The following PPP5C variants were observed in gnomAD, a reference collection of about 807,000 sequenced individuals.
PPP5C encodes protein phosphatase 5 catalytic subunit.
Under a neutral mutation model 66.7 loss-of-function variants are expected in PPP5C, and 21 were observed. That is an observed-to-expected ratio of 0.31 (90% CI 0.22 to 0.45). The LOEUF is 0.45. Ranked by LOEUF, PPP5C falls within the 20% of genes least tolerant of loss-of-function variation. PPP5C has a pLI of 1.00. For missense variants in PPP5C, 464 were observed against 675.9 expected (o/e 0.69, Z 3.48); for synonymous variants, 246 against 257.4 (o/e 0.96, Z 0.43).
chr19:46,350,056 G>T (rs574644101), intron 1 of PPP5C, among the ~76,000 whole-genome samples: 1 of 152,122 alleles, frequency 6.6e-6, no homozygotes, highest in Non-Finnish European at 1.5e-5. Flanking sequence ...GGAGCCCTGG[G>T]AGGTTCTGAG....
Position 46,390,742 on chromosome 19 carries a change from C to T in PPP5C, c.*396C>T, listed in dbSNP as rs911779309. The T allele has an allele frequency of 9.1e-5, 103 of 1,133,668 alleles. No individual in the cohort carries two copies. The highest frequency in any genetic ancestry group is 1.1e-4 in the Non-Finnish European group (101 of 914,356). The allele number at this position is 1,133,668 out of a possible 1,614,324, so 70.2% of individuals were successfully genotyped here. A position where few individuals can be genotyped will look rare whatever the true frequency, so the allele number is the denominator to read the frequency against. On this transcript the variant is annotated 3_prime_UTR_variant, in exon 13 of 13. Coordinates refer to ENST00000012443, the MANE Select transcript of PPP5C (RefSeq NM_006247.4). ...AGGGTCAGCAGGGGGGCCCCGCCTG[C>T]GCCTCCCCTCCTATAGCCCCATGGT...
At chr19:46,360,393 C>T (rs1373231504) in intron 2 of PPP5C, among the ~76,000 whole-genome samples, 1 of 152,172 alleles carries the variant, frequency 6.6e-6, no homozygotes, top group Non-Finnish European at 1.5e-5. Context: ...CCTAATATGT[C>T]TCTCTTGGTC....
chr19:46,367,183 CAGA>C (rs1972505300), intron 2 of PPP5C, among the ~76,000 whole-genome samples: 1 of 152,208 alleles, frequency 6.6e-6, no homozygotes, highest in Non-Finnish European at 1.5e-5. Flanking sequence ...GGAATTCTGA[CAGA>C]AGGTTTAAAA....
rs1351899928 is a variant in PPP5C, at chr19:46,376,985, G to A, written c.633+411G>A. ...CCCTCCCCGACCTAGGAGGGCAGCTGGCCACAGGGTGTTAACTGGTTGAGT... is the reference window on the plus strand; with the variant it reads ...CCCTCCCCGACCTAGGAGGGCAGCTAGCCACAGGGTGTTAACTGGTTGAGT... On this transcript the variant is annotated intron_variant, in intron 4 of 12. Coordinates refer to ENST00000012443, the MANE Select transcript of PPP5C (RefSeq NM_006247.4). This position sits in a 1 kb window ranked among gnomAD's most constrained non-coding sequence, Gnocchi z 5.1. Among the ~76,000 whole-genome samples the A allele has an allele frequency of 6.6e-6, 1 of 152,192 alleles. No homozygotes were observed. Among genetic ancestry groups the A allele is most frequent in the Non-Finnish European group, 1.5e-5 (1 of 68,030 alleles).
At chr19:46,384,771 T>A in intron 6 of PPP5C, 33 bp from the exon 7 acceptor site, 24 of 1,419,338 alleles carry the variant, frequency 1.7e-5, no homozygotes, top group Non-Finnish European at 2.1e-5. Flanking sequence ...ACCCTTCCCC[T>A]CCACGCTTGC....
intron 2 of PPP5C, among the ~76,000 whole-genome samples, chr19:46,358,075 A>G (rs538544975): frequency 2.0e-5 from 3 of 152,198 alleles, no homozygotes; most frequent in African/African-American, 4.8e-5. Context: ...TAGTCAACAC[A>G]TGAGCATGCA....
intron 2 of PPP5C, among the ~76,000 whole-genome samples, chr19:46,360,316 CAAAA>C (rs1351344685): frequency 6.6e-6 from 1 of 151,962 alleles, no homozygotes; most frequent in African/African-American, 2.4e-5. Flanking sequence ...ACAAATATAA[CAAAA>C]AAGATCAGCA....
intron 2 of PPP5C, among the ~76,000 whole-genome samples, chr19:46,367,362 AC>A (rs1250870126): frequency 6.6e-6 from 1 of 152,220 alleles, no homozygotes; most frequent in Non-Finnish European, 1.5e-5. Flanking sequence ...CTGCAGAGTC[AC>A]ACCAACATCT....
Position 46,390,442 on chromosome 19 carries a change from T to C in PPP5C, c.*96T>C. ...CAGAGCAGGCCCCGCCCCAGGGCAA[T>C]GTTGGACCCCCTTTTACTTTGTAAA... is the stretch of plus-strand genomic sequence containing the variant. On this transcript the variant is annotated 3_prime_UTR_variant, in exon 13 of 13. Transcript: ENST00000012443. 1 of 1,537,358 alleles carries C rather than the reference T, an allele frequency of 6.5e-7. No individual in the cohort carries two copies.
chr19:46,382,691 T>C, intron 4 of PPP5C: 1 of 652,580 alleles, frequency 1.5e-6, no homozygotes, highest in Non-Finnish European at 1.9e-6. Context: ...GTTGCAGCCA[T>C]CATAACCTGG....
intron 11 of PPP5C, among the ~76,000 whole-genome samples, chr19:46,389,062 G>T (rs529721421): frequency 6.6e-6 from 1 of 152,082 alleles, no homozygotes; most frequent in African/African-American, 2.4e-5. Flanking sequence ...GGTGGCTCAC[G>T]CCTATAATCC....
chr19:46,372,608 C>T (rs1049437012), intron 2 of PPP5C, among the ~76,000 whole-genome samples: 11 of 152,216 alleles, frequency 7.2e-5, no homozygotes, highest in African/African-American at 2.4e-4. Context: ...CCTGTGTTAC[C>T]ATTTCACCAG....
chr19:46,366,878 C>T (rs941824588), intron 2 of PPP5C, among the ~76,000 whole-genome samples: 3 of 152,156 alleles, frequency 2.0e-5, no homozygotes, highest in Non-Finnish European at 4.4e-5. Context: ...CTGTCCTATT[C>T]CAGTGCCTCT....
At chr19:46,364,692 T>C (rs1972461100) in intron 2 of PPP5C, among the ~76,000 whole-genome samples, 1 of 152,178 alleles carries the variant, frequency 6.6e-6, no homozygotes, top group South Asian at 2.1e-4. Flanking sequence ...TCAAATCTCT[T>C]ATGAGATTGC....
Position 46,390,644 on chromosome 19 carries a change from C to A in PPP5C, c.*298C>A. 2 of 1,287,108 alleles carry A rather than the reference C, an allele frequency of 1.6e-6. No homozygotes were observed. The highest frequency in any genetic ancestry group is 2.0e-6 in the Non-Finnish European group (2 of 1,005,376). The allele number at this position is 1,287,108 out of a possible 1,614,324, so 79.7% of individuals were successfully genotyped here. On this transcript the variant is annotated 3_prime_UTR_variant, in exon 13 of 13. Coordinates refer to ENST00000012443, the MANE Select transcript of PPP5C (RefSeq NM_006247.4). ...GGTGGGGTGGGGCCGAGTGGCTGCC[C>A]TGCCCCCCTCATTTGCATGGCTCCT...
At chr19:46,347,505 G>T (rs1972103811) in intron 1 of PPP5C, among the ~76,000 whole-genome samples, 1 of 152,024 alleles carries the variant, frequency 6.6e-6, no homozygotes, top group Non-Finnish European at 1.5e-5. Context: ...TACCAAACGT[G>T]AGGCCTGTAG....
Position 46,376,490 on chromosome 19 carries a change from C to T in PPP5C, c.549C>T (p.Asp183=), listed in dbSNP as rs1601435475. ...EDEYSGPKLE[D]GKVTISFMKE... ...AGTACAGCGGACCCAAGCTTGAAGA[C>T]GGCAAAGTGACAATCAGTTTCATGA... is the stretch of plus-strand genomic sequence containing the variant. The change falls in exon 4 of 13, where the codon GAC becomes GAT. Residue 183 remains aspartate (D), a synonymous_variant. Coordinates refer to ENST00000012443, the MANE Select transcript of PPP5C (RefSeq NM_006247.4). The surrounding 1 kb of genome is among the most constrained non-coding windows in gnomAD (Gnocchi z 5.1). 8 of 1,613,638 alleles carry T rather than the reference C, an allele frequency of 5.0e-6. No homozygotes were observed. The East Asian group carries it at 6.7e-5, about 13-fold the overall frequency.
rs972521478 is a variant in PPP5C at position 46,375,623 on chromosome 19, A to G, written c.383A>G (p.His128Arg). 6 of 1,614,040 alleles carry G rather than the reference A, an allele frequency of 3.7e-6. No homozygotes were observed. The highest frequency in any genetic ancestry group is 4.5e-5 in the East Asian group (2 of 44,872). Residue 128 changes from histidine to arginine, a missense_variant, in exon 3 of 13, where the codon CAT (histidine) becomes CGT (arginine). His to Arg is a conservative substitution (Grantham distance 29). This residue lies in a region of PPP5C where 387 missense variants were observed against 626.0 expected (regional missense o/e 0.62). Transcript: ENST00000012443. The stretch of plus-strand genomic sequence containing the variant: ...ACCCAGGTGGTCAAGGTGAAGCCCC[A>G]TGACAAGGATGCCAAAATGAAATAC... Reference protein sequence around the residue: ...DYETVVKVKPHDKDAKMKYQE... With the variant: ...DYETVVKVKPRDKDAKMKYQE...
intron 1 of PPP5C, among the ~76,000 whole-genome samples, chr19:46,348,218 A>C (rs527388302): frequency 6.6e-6 from 1 of 152,016 alleles, no homozygotes; most frequent in Admixed American, 6.6e-5. Context: ...GGCTTTGGCT[A>C]CTTAGGGGGA....
Sources: allele counts gnomAD v4.1 joint callset (sites outside exome capture counted in the v4.1 genomes callset), GRCh38; gene constraint gnomAD v4.1.1; regional missense constraint gnomAD v4.1.1; non-coding constraint Gnocchi (gnomAD v3.1); transcripts MANE v1.5; gene names NCBI Gene and HGNC (gene_info 2026-07-23, HGNC 2026-07-21).